LDB2: variants seen among roughly 807,000 people sequenced by gnomAD.
LDB2 encodes LIM domain-binding protein 2.
Under a neutral mutation model 44.3 loss-of-function variants are expected in LDB2, and 12 were observed. The ratio of observed to expected loss-of-function variants is 0.27; its 90% CI spans 0.17 to 0.44. The LOEUF (loss-of-function observed/expected upper bound fraction) is 0.44, where lower values mean the gene tolerates loss of function less well. LDB2 is among the 20% of genes least tolerant of loss of function. The probability of loss-of-function intolerance (pLI) is 1.00; values close to 1 mark genes in which losing one functional copy is unlikely to be tolerated. For missense variants in LDB2, 344 were observed against 473.5 expected (o/e 0.73, Z 2.54); for synonymous variants, 164 against 174.8 (o/e 0.94, Z 0.49).
intron 2 of LDB2, chr4:16,750,877 T>C (rs1765359151): frequency 6.6e-6 from 1 of 152,234 alleles, no homozygotes; most frequent in Non-Finnish European, 1.5e-5. Flanking sequence ...TTTTATTGTG[T>C]AGAACAGTTC....
chr4:16,515,002 A>G (rs1723089964), intron 5 of LDB2, among the ~76,000 whole-genome samples: 3 of 152,212 alleles, frequency 2.0e-5, no homozygotes, highest in Admixed American at 2.0e-4. Flanking sequence ...TCATTGCAGT[A>G]CCACTCACAA....
chr4:16,828,043 T>G (rs1457462478), intron 1 of LDB2, among the ~76,000 whole-genome samples: 1 of 152,128 alleles, frequency 6.6e-6, no homozygotes, highest in East Asian at 1.9e-4. Context: ...TTTCCTTCCC[T>G]TCCAGTCCCA....
intron 5 of LDB2, among the ~76,000 whole-genome samples, chr4:16,576,976 G>A (rs1408141482): frequency 2.6e-5 from 4 of 152,054 alleles, no homozygotes; most frequent in African/African-American, 7.2e-5. Flanking sequence ...AATGAAGGAC[G>A]AAAGCCATAC....
At chr4:16,609,822 C>T (rs1249340600) in intron 2 of LDB2, among the ~76,000 whole-genome samples, 1 of 152,104 alleles carries the variant, frequency 6.6e-6, no homozygotes, top group Non-Finnish European at 1.5e-5. Context: ...AGGGTTTCCC[C>T]TCTCAGCGAA....
intron 1 of LDB2, among the ~76,000 whole-genome samples, chr4:16,886,754 T>C (rs1721806369): frequency 6.6e-6 from 1 of 151,936 alleles, no homozygotes; most frequent in South Asian, 2.1e-4. Context: ...CTGTTTTGGC[T>C]GGGCACGGTG....
At chr4:16,825,562 T>C (rs1782892768) in intron 1 of LDB2, among the ~76,000 whole-genome samples, 2 of 152,266 alleles carry the variant, frequency 1.3e-5, no homozygotes, top group African/African-American at 4.8e-5. Context: ...TATAGGGAGA[T>C]GGAGGGAACC....
At chr4:16,624,437 A>C (rs935588073) in intron 2 of LDB2, among the ~76,000 whole-genome samples, 7 of 152,296 alleles carry the variant, frequency 4.6e-5, no homozygotes. Context: ...AACAAAAAAT[A>C]AAAAATATAT....
chr4:16,891,304 C>T (rs867690198), intron 1 of LDB2, among the ~76,000 whole-genome samples: 1,589 of 76,898 alleles, frequency 0.021, 17 homozygotes, highest in Middle Eastern at 0.052. Context: ...CTTAAGTATT[C>T]TTTTTTTTTT....
At chr4:16,571,199 T>G (rs11725152) in intron 5 of LDB2, among the ~76,000 whole-genome samples, 53,709 of 152,014 alleles carry the variant, frequency 0.35, 11,599 homozygotes, top group Non-Finnish European at 0.49. Context: ...TTTCAGCAAA[T>G]GAATGGTTTT....
intron 2 of LDB2, among the ~76,000 whole-genome samples, chr4:16,738,933 C>G (rs1762409587): frequency 6.6e-6 from 1 of 152,086 alleles, no homozygotes; most frequent in African/African-American, 2.4e-5. Context: ...AACTCTGGGC[C>G]CAATTCTTCT....
At chr4:16,658,351 C>A (rs1740508421) in intron 2 of LDB2, among the ~76,000 whole-genome samples, 1 of 152,190 alleles carries the variant, frequency 6.6e-6, no homozygotes, top group Non-Finnish European at 1.5e-5. Flanking sequence ...TCTCTGCATC[C>A]TTGAGGCCTC....
chr4:16,605,689 C>T (rs1419958242), intron 2 of LDB2, among the ~76,000 whole-genome samples: 1 of 152,138 alleles, frequency 6.6e-6, no homozygotes. Context: ...GAAGGGAAAT[C>T]CCACTTCCAG....
intron 5 of LDB2, among the ~76,000 whole-genome samples, chr4:16,560,639 C>A (rs565250746): frequency 6.6e-6 from 1 of 152,142 alleles, no homozygotes; most frequent in East Asian, 1.9e-4. Context: ...ACCAGAGGTA[C>A]AAGGAGGAAC....
chr4:16,516,442 G>A (rs934473780), intron 5 of LDB2, among the ~76,000 whole-genome samples: 2 of 152,120 alleles, frequency 1.3e-5, no homozygotes, highest in South Asian at 2.1e-4. Context: ...CATTCTGCTC[G>A]GTGCTGGGGA....
chr4:16,778,176 G>A (rs1280089159), intron 1 of LDB2, among the ~76,000 whole-genome samples: 2 of 152,052 alleles, frequency 1.3e-5, no homozygotes, highest in African/African-American at 4.8e-5. Context: ...AATGCTTTAA[G>A]GTCTGACATC....
chr4:16,659,617 C>G (rs975179166), intron 2 of LDB2, among the ~76,000 whole-genome samples: 1 of 142,426 alleles, frequency 7.0e-6, no homozygotes, highest in Non-Finnish European at 1.5e-5. Context: ...ATTACACACA[C>G]ACACATACAT....
intron 2 of LDB2, among the ~76,000 whole-genome samples, chr4:16,618,767 C>A (rs556559000): frequency 3.9e-5 from 6 of 152,274 alleles, no homozygotes; most frequent in South Asian, 2.1e-4. Context: ...TGTGTCCCCA[C>A]CCAAATCTCA....
intron 2 of LDB2, among the ~76,000 whole-genome samples, chr4:16,699,854 A>C (rs996842548): frequency 1.3e-5 from 2 of 152,164 alleles, no homozygotes; most frequent in African/African-American, 4.8e-5. Context: ...TCCATTCCCA[A>C]TATGGCGAAC....
intron 2 of LDB2, among the ~76,000 whole-genome samples, chr4:16,646,902 C>T (rs1247618050): frequency 2.0e-5 from 3 of 152,170 alleles, no homozygotes; most frequent in African/African-American, 7.2e-5. Flanking sequence ...CTGATGGTCC[C>T]TCAAAATGTT....
Sources: allele counts gnomAD v4.1 joint callset (sites outside exome capture counted in the v4.1 genomes callset), GRCh38; gene constraint gnomAD v4.1.1; transcripts MANE v1.5; gene names NCBI Gene and HGNC (gene_info 2026-07-23, HGNC 2026-07-21).